Variants in UBAC2 observed in about 807,000 individuals in gnomAD.
UBAC2 encodes the protein UBA domain containing 2, also known as ubiquitin-associated domain-containing protein 2.
A neutral mutation model predicts 44.0 loss-of-function variants in UBAC2; 26 were observed. That is an observed-to-expected ratio of 0.59 (90% CI 0.43 to 0.82). The LOEUF (loss-of-function observed/expected upper bound fraction) is 0.82, where lower values mean the gene tolerates loss of function less well. Ranked by LOEUF, UBAC2 falls within the 40% of genes least tolerant of loss-of-function variation. UBAC2 has a pLI of 0.00. For missense variants in UBAC2, 329 were observed against 419.4 expected, an observed-to-expected ratio of 0.78 and a Z score of 1.88; for synonymous variants, 155 against 154.3, an observed-to-expected ratio of 1.00 and a Z score of -0.04.
chr13:99,334,022 A>G (rs143806582), intron 6 of UBAC2, among the ~76,000 whole-genome samples: 17 of 152,316 alleles, frequency 1.1e-4, no homozygotes, highest in African/African-American at 3.4e-4. Context: ...ATCATAGCTC[A>G]CTACAACCTC....
chr13:99,220,407 G>T (rs2043040999), intron 1 of UBAC2, among the ~76,000 whole-genome samples: 1 of 152,230 alleles, frequency 6.6e-6, no homozygotes, highest in African/African-American at 2.4e-5. Flanking sequence ...ACAGTGCCTG[G>T]CATAAAATAA....
intron 4 of UBAC2, among the ~76,000 whole-genome samples, chr13:99,257,609 AAC>A (rs1208910777): frequency 6.6e-6 from 1 of 152,236 alleles, no homozygotes; most frequent in Non-Finnish European, 1.5e-5. Flanking sequence ...GTGCTCTGCA[AAC>A]ACAGAAATTT....
At chr13:99,366,442 C>G (rs936816918) in intron 7 of UBAC2, among the ~76,000 whole-genome samples, 47 of 152,160 alleles carry the variant, frequency 3.1e-4, no homozygotes, top group African/African-American at 1.1e-3. Context: ...TTTGCTTTTG[C>G]TTGGCTCCTT....
intron 4 of UBAC2, among the ~76,000 whole-genome samples, chr13:99,299,475 CAGAA>C (rs995004444): frequency 2.6e-5 from 4 of 152,050 alleles, no homozygotes; most frequent in South Asian, 2.1e-4. Flanking sequence ...CACACACACA[CAGAA>C]AGATGTCTGT....
chr13:99,312,448 C>T (rs574132870), intron 4 of UBAC2, among the ~76,000 whole-genome samples: 1 of 152,306 alleles, frequency 6.6e-6, no homozygotes, highest in East Asian at 1.9e-4. Context: ...ATATTACCTG[C>T]CTAGCACTTG....
intron 4 of UBAC2, among the ~76,000 whole-genome samples, chr13:99,259,932 C>A (rs1438265057): frequency 6.6e-6 from 1 of 152,218 alleles, no homozygotes; most frequent in African/African-American, 2.4e-5. Context: ...GAGGAGGCAT[C>A]CAGGAGCACC....
intron 6 of UBAC2, among the ~76,000 whole-genome samples, chr13:99,338,928 C>T (rs1842166149): frequency 1.3e-5 from 2 of 152,182 alleles, no homozygotes; most frequent in Admixed American, 6.5e-5. Context: ...TCCTTACTGG[C>T]GTTTCCTACT....
At chr13:99,225,274 T>C (rs1470213108) in intron 1 of UBAC2, among the ~76,000 whole-genome samples, 2 of 152,228 alleles carry the variant, frequency 1.3e-5, no homozygotes, top group Admixed American at 6.5e-5. Context: ...AATGAAACTC[T>C]GTATCCATTA....
intron 7 of UBAC2, among the ~76,000 whole-genome samples, chr13:99,347,326 C>T (rs1036158844): frequency 1.3e-5 from 1 of 79,610 alleles, no homozygotes; most frequent in Admixed American, 1.0e-4. Flanking sequence ...GGCGCCCCCC[C>T]CCCCCCCCAG....
intron 1 of UBAC2, among the ~76,000 whole-genome samples, chr13:99,203,112 C>T (rs1474186206): frequency 6.6e-6 from 1 of 151,934 alleles, no homozygotes; most frequent in African/African-American, 2.4e-5. Flanking sequence ...TCTCCGCTCA[C>T]TGCAACCTCC....
chr13:99,310,293 C>T (rs537289209), intron 4 of UBAC2, among the ~76,000 whole-genome samples: 1 of 152,352 alleles, frequency 6.6e-6, no homozygotes, highest in East Asian at 1.9e-4. Context: ...TGCCACTGCA[C>T]TCTACTCCAG....
At chr13:99,276,732 A>G (rs7985056) in intron 4 of UBAC2, among the ~76,000 whole-genome samples, 38,480 of 152,202 alleles carry the variant, frequency 0.25, 6,083 homozygotes, top group Non-Finnish European at 0.35. Flanking sequence ...ATCTGAGGCT[A>G]TCCAGGGGCT....
intron 2 of UBAC2, among the ~76,000 whole-genome samples, chr13:99,240,999 C>G (rs1031635159): frequency 1.3e-5 from 2 of 152,136 alleles, no homozygotes; most frequent in African/African-American, 4.8e-5. Flanking sequence ...GTGGCTCACA[C>G]CTGTCATTTC....
chr13:99,382,759 G>C (rs1281789221), intron 8 of UBAC2, among the ~76,000 whole-genome samples: 1 of 152,178 alleles, frequency 6.6e-6, no homozygotes, highest in Admixed American at 6.5e-5. Flanking sequence ...TGAGGACTTC[G>C]CTCTGGGGGC....
At chr13:99,268,188 G>T (rs1476638020) in intron 4 of UBAC2, among the ~76,000 whole-genome samples, 2 of 152,228 alleles carry the variant, frequency 1.3e-5, no homozygotes, top group Non-Finnish European at 2.9e-5. Flanking sequence ...TACCTGGGCA[G>T]TTGTGTCCCT....
intron 6 of UBAC2, among the ~76,000 whole-genome samples, chr13:99,337,369 T>C (rs2044804301): frequency 6.6e-6 from 1 of 151,900 alleles, no homozygotes; most frequent in South Asian, 2.1e-4. Flanking sequence ...GTCAAGGCCT[T>C]ATATATATAT....
At chr13:99,244,487 A>G (rs755772428) in intron 3 of UBAC2, 28 bp from the exon 4 acceptor site, 6 of 1,501,056 alleles carry the variant, frequency 4.0e-6, no homozygotes, top group Admixed American at 1.7e-5. Flanking sequence ...ACTCATCTCT[A>G]TCATTTTTCT....
chr13:99,344,096 T>C (rs1237935364), intron 7 of UBAC2, among the ~76,000 whole-genome samples: 1 of 152,218 alleles, frequency 6.6e-6, no homozygotes, highest in Non-Finnish European at 1.5e-5. Flanking sequence ...ACCATTTATT[T>C]TGCCAGTCCT....
rs147851454 is a variant in UBAC2 at position 99,238,471 on chromosome 13, C to T, written c.76C>T (p.Leu26Phe). Residue 26 changes from leucine to phenylalanine, a missense_variant, in exon 2 of 9, where the codon CTC becomes TTC. Physicochemically the swap from Leu to Phe is conservative, Grantham distance 22 (BLOSUM62 0). Transcript: ENST00000403766. ...GAGCCTTCTGCTGGTCCCCAGTGCC[C>T]TCTCCCTCCTGCTCGCCCTCCTCCT... ...SKSLLLVPSA[L>F]SLLLALLLPH... The T allele has an allele frequency of 3.4e-4, 546 of 1,613,916 alleles. 6 individuals carry two copies. The East Asian group carries it at 0.01, about 30-fold the overall frequency.
Sources: gnomAD v4.1 joint callset for allele counts (sites outside exome capture counted in the v4.1 genomes callset) on GRCh38, gnomAD v4.1.1 for gene constraint, MANE v1.5 for transcripts, NCBI Gene and HGNC (gene_info 2026-07-23, HGNC 2026-07-21) for gene names.